BMP5: variants seen among roughly 807,000 people sequenced by gnomAD.
BMP5 encodes the protein bone morphogenetic protein 5.
BMP5 carries 23 observed loss-of-function variants against 46.6 expected under a neutral mutation model. That is an observed-to-expected ratio of 0.49 (90% CI 0.35 to 0.70). The LOEUF (loss-of-function observed/expected upper bound fraction) is 0.70. BMP5 is among the 30% of genes least tolerant of loss of function. BMP5 has a pLI of 0.00. For synonymous variants in BMP5, 204 were observed against 191.9 expected, an observed-to-expected ratio of 1.06 and a Z score of -0.52; for missense variants, 545 against 565.6, an observed-to-expected ratio of 0.96 and a Z score of 0.37.
Position 55,800,061 on chromosome 6 carries a change from C to T in BMP5, c.684-5634G>A, listed in dbSNP as rs368618040. Among the ~76,000 whole-genome samples, 5 of 152,302 alleles carry T rather than the reference C, an allele frequency of 3.3e-5. No homozygotes were observed. In the South Asian group the frequency reaches 8.3e-4, roughly 25 times the overall value. ...AAACACACATGTATACACACACACA[C>T]AACCTGTGGATTCCTGCACTTTCGA... On this transcript the variant is annotated intron_variant, in intron 2 of 6. Coordinates refer to ENST00000370830, the MANE Select transcript of BMP5 (RefSeq NM_021073.4).
At chr6:55,832,607 T>A (rs1776691973) in intron 1 of BMP5, among the ~76,000 whole-genome samples, 1 of 152,132 alleles carries the variant, frequency 6.6e-6, no homozygotes, top group African/African-American at 2.4e-5. Context: ...CATATCTAAT[T>A]GAAGAAAAAT....
chr6:55,825,275 C>G (rs1776502482), intron 1 of BMP5, among the ~76,000 whole-genome samples: 1 of 151,774 alleles, frequency 6.6e-6, no homozygotes, highest in South Asian at 2.1e-4. Flanking sequence ...GTGTGTACTC[C>G]AAACTATGTG....
intron 4 of BMP5, chr6:55,772,684 A>G: frequency 2.4e-6 from 2 of 846,964 alleles, no homozygotes; most frequent in Non-Finnish European, 2.8e-6. Flanking sequence ...GTAATAAGGC[A>G]CTAGTGTCAT....
chr6:55,807,142 T>G (rs1776010417), intron 2 of BMP5, among the ~76,000 whole-genome samples: 1 of 152,164 alleles, frequency 6.6e-6, no homozygotes, highest in African/African-American at 2.4e-5. Flanking sequence ...ATCCTTATCT[T>G]GTGTCGGTTT....
intron 1 of BMP5, among the ~76,000 whole-genome samples, chr6:55,831,907 A>T (rs2127542414): frequency 6.6e-6 from 1 of 152,272 alleles, no homozygotes; most frequent in South Asian, 2.1e-4. Context: ...TAAACCAGAA[A>T]GAAGACAAAG....
At chr6:55,844,943 C>T (rs921126) in intron 1 of BMP5, among the ~76,000 whole-genome samples, 28,650 of 151,774 alleles carry the variant, frequency 0.19, 3,172 homozygotes, top group Non-Finnish European at 0.25. Context: ...AAGTTCATTT[C>T]AAAAACAAAA....
rs528874948 is a variant in BMP5, at chr6:55,854,914, G to A, written c.490+19462C>T. The stretch of plus-strand genomic sequence containing the variant: ...AAAAGACTCTCTTTTTTATATTTTT[G>A]TATGCATGTTATGCTAATTTATTAA... On this transcript the variant is annotated intron_variant, in intron 1 of 6. Coordinates refer to ENST00000370830, the MANE Select transcript of BMP5 (RefSeq NM_021073.4). 2.0e-5 allele frequency among the ~76,000 whole-genome samples: 3 copies of A among 151,870 alleles called. No homozygotes were observed. In the East Asian group the frequency reaches 5.8e-4, roughly 29 times the overall value.
At chr6:55,793,416 C>T (rs1370763122) in intron 3 of BMP5, among the ~76,000 whole-genome samples, 1 of 152,224 alleles carries the variant, frequency 6.6e-6, no homozygotes, top group Non-Finnish European at 1.5e-5. Flanking sequence ...ATTACTACCT[C>T]GTGCATCACT....
At chr6:55,797,760 G>C (rs1206208836) in intron 2 of BMP5, among the ~76,000 whole-genome samples, 1 of 151,882 alleles carries the variant, frequency 6.6e-6, no homozygotes, top group African/African-American at 2.4e-5. Flanking sequence ...GGGACTACAG[G>C]CGCCTGCCAC....
At chr6:55,764,526 G>C (rs982257788) in intron 4 of BMP5, among the ~76,000 whole-genome samples, 9 of 149,958 alleles carry the variant, frequency 6.0e-5, no homozygotes, top group Non-Finnish European at 3.0e-5. Context: ...TGAGCGAGAT[G>C]GTGCCACTTC....
Position 55,792,273 on chromosome 6 carries a change from C to T in BMP5, c.832+2006G>A, listed in dbSNP as rs150657348. On this transcript the variant is annotated intron_variant, in intron 3 of 6. Transcript: ENST00000370830. ...ACCCTGCCGGGCGCGGTGGCTCACG[C>T]CTGTAATCCCAGCACTTTGGAAGGC... is the stretch of plus-strand genomic sequence containing the variant. Among the ~76,000 whole-genome samples the T allele has an allele frequency of 4.9e-4, 75 of 152,278 alleles. No homozygotes were observed. The East Asian group carries it at 0.014, about 28-fold the overall frequency.
intron 1 of BMP5, among the ~76,000 whole-genome samples, chr6:55,837,097 G>T (rs1398081296): frequency 2.0e-5 from 3 of 150,840 alleles, no homozygotes; most frequent in Non-Finnish European, 1.5e-5. Context: ...TGTTTTCTAG[G>T]CTGGAGTGCA....
chr6:55,825,445 T>G lies in BMP5; in HGVS notation c.491-5598A>C, dbSNP rs192811701. 7.3e-4 allele frequency among the ~76,000 whole-genome samples: 111 copies of G among 151,996 alleles called. 1 individual carries two copies. The highest frequency in any genetic ancestry group is 5.6e-3 in the Admixed American group (85 of 15,210). Reference sequence around the variant, plus strand: ...TCACATCCCATGATTAATGGACTGATAGTGAAAAGAAGCAGAATTGCCTTT... The same window carrying G: ...TCACATCCCATGATTAATGGACTGAGAGTGAAAAGAAGCAGAATTGCCTTT... On this transcript the variant is annotated intron_variant, in intron 1 of 6. Transcript: ENST00000370830.
chr6:55,758,839 T>A (rs1774679724), intron 6 of BMP5, among the ~76,000 whole-genome samples, 166 bp downstream of exon 6: 1 of 151,662 alleles, frequency 6.6e-6, no homozygotes, highest in South Asian at 2.1e-4. Flanking sequence ...CCAGCCCGAG[T>A]TTCCTGACTA....
rs977312192 is a variant in BMP5, at chr6:55,857,977, A to T, written c.490+16399T>A. The stretch of plus-strand genomic sequence containing the variant: ...GGTTTTGAATGCCTGACCTCAGGTG[A>T]TCCACCCACCTCGGCCTCCCAAAGT... On this transcript the variant is annotated intron_variant, in intron 1 of 6. Transcript: ENST00000370830. Among the ~76,000 whole-genome samples the T allele has an allele frequency of 5.3e-5, 8 of 152,260 alleles. No individual in the cohort carries two copies. In the East Asian group the frequency reaches 1.4e-3, roughly 26 times the overall value.
chr6:55,780,904 T>G (rs140164280), intron 3 of BMP5, among the ~76,000 whole-genome samples: 50 of 152,208 alleles, frequency 3.3e-4, no homozygotes, highest in African/African-American at 1.1e-3. Context: ...AGGGCAGGAC[T>G]GAGGTGATGG....
intron 2 of BMP5, among the ~76,000 whole-genome samples, chr6:55,796,245 ATAT>A (rs1317467421): frequency 2.0e-5 from 3 of 152,176 alleles, no homozygotes; most frequent in Admixed American, 6.6e-5. Flanking sequence ...CCTTGGCATG[ATAT>A]TAATAAAGAC....
At chr6:55,873,270 C>T (rs919344576) in intron 1 of BMP5, among the ~76,000 whole-genome samples, 1 of 151,830 alleles carries the variant, frequency 6.6e-6, no homozygotes, top group African/African-American at 2.4e-5. Flanking sequence ...TTTAATAAAA[C>T]ATGTTAATTT....
chr6:55,857,666 C>A (rs1158682798), intron 1 of BMP5, among the ~76,000 whole-genome samples: 1 of 152,148 alleles, frequency 6.6e-6, no homozygotes, highest in Admixed American at 6.6e-5. Flanking sequence ...GCAATTACTA[C>A]TCAATTGAAA....
Sources: allele counts gnomAD v4.1 joint callset (sites outside exome capture counted in the v4.1 genomes callset), GRCh38; gene constraint gnomAD v4.1.1; transcripts MANE v1.5; gene names NCBI Gene and HGNC (gene_info 2026-07-23, HGNC 2026-07-21).